The following CNTN4 variants were observed in gnomAD, a reference collection of about 807,000 sequenced individuals.
CNTN4 encodes contactin 4.
CNTN4 carries 77 observed loss-of-function variants against 122.5 expected under a neutral mutation model. The ratio of observed to expected loss-of-function variants is 0.63; its 90% CI spans 0.52 to 0.76. The LOEUF (loss-of-function observed/expected upper bound fraction) is 0.76. CNTN4 is among the 30% of genes least tolerant of loss of function. CNTN4 has a pLI of 0.00. For missense variants in CNTN4, 1,256 were observed against 1,259.1 expected, an observed-to-expected ratio of 1.00 and a Z score of 0.04; for synonymous variants, 512 against 447.0, an observed-to-expected ratio of 1.15 and a Z score of -1.83.
intron 10 of CNTN4, among the ~76,000 whole-genome samples, 190 bp downstream of exon 10, chr3:2,887,414 G>T (rs1396864085): frequency 6.6e-6 from 1 of 152,116 alleles, no homozygotes; most frequent in African/African-American, 2.4e-5. Flanking sequence ...GGGCAAGGGT[G>T]TTGACGGAGC....
rs2084949902 is a variant in CNTN4, at chr3:2,677,735, C to A, written c.56-58480C>A. Reference sequence around the variant, plus strand: ...GCAGGCACTCTAGTCAATGAGAAGTCAAAGTGAACTTTTAAAATAGTTGAT... The same window carrying A: ...GCAGGCACTCTAGTCAATGAGAAGTAAAAGTGAACTTTTAAAATAGTTGAT... On this transcript the variant is annotated intron_variant, in intron 4 of 24. Coordinates refer to ENST00000418658, the MANE Select transcript of CNTN4 (RefSeq NM_175607.3). 2.0e-5 allele frequency among the ~76,000 whole-genome samples: 3 copies of A among 150,982 alleles called. No homozygotes were observed. The South Asian group carries it at 6.3e-4, about 32-fold the overall frequency.
intron 4 of CNTN4, among the ~76,000 whole-genome samples, chr3:2,688,703 C>T (rs1226568497): frequency 2.6e-5 from 4 of 152,124 alleles, no homozygotes; most frequent in Non-Finnish European, 4.4e-5. Context: ...ATCCAGTTAC[C>T]AGCTGAATAT....
chr3:2,201,955 C>A (rs1034734083), intron 2 of CNTN4, among the ~76,000 whole-genome samples: 1 of 152,062 alleles, frequency 6.6e-6, no homozygotes, highest in Non-Finnish European at 1.5e-5. Flanking sequence ...GTCTACACTT[C>A]CCACATATAA....
chr3:2,947,641 C>T, intron 13 of CNTN4, among the ~76,000 whole-genome samples: 1 of 151,998 alleles, frequency 6.6e-6, no homozygotes, highest in African/African-American at 2.4e-5. Context: ...TTCTTTTTGT[C>T]TTCATTTGCT....
intron 7 of CNTN4, among the ~76,000 whole-genome samples, chr3:2,823,609 A>G (rs2092923791): frequency 6.6e-6 from 1 of 152,172 alleles, no homozygotes; most frequent in South Asian, 2.1e-4. Flanking sequence ...AGACACAGAA[A>G]TTATTGAGGT....
In CNTN4 at chr3:2,482,386, G is replaced by A. The variant is rs148298340; in HGVS notation, c.-88-89030G>A. Among the ~76,000 whole-genome samples, 909 of 151,956 alleles carry A rather than the reference G, an allele frequency of 6.0e-3. 3 individuals are homozygous for A. The highest frequency in any genetic ancestry group is 0.01 in the Non-Finnish European group (682 of 67,962). On this transcript the variant is annotated intron_variant, in intron 3 of 24. Transcript: ENST00000418658. ...TAAGTAACAAAGGGTTCAAGAGAAA[G>A]CAGATCATAAAAGTTTGGAAAATTT...
intron 7 of CNTN4, among the ~76,000 whole-genome samples, chr3:2,849,901 T>C (rs1287752743): frequency 6.6e-6 from 1 of 152,116 alleles, no homozygotes; most frequent in African/African-American, 2.4e-5. Flanking sequence ...GGTTCAGTAG[T>C]GCCTGGTCTC....
intron 7 of CNTN4, among the ~76,000 whole-genome samples, chr3:2,843,559 T>C (rs2093402056): frequency 6.6e-6 from 1 of 152,200 alleles, no homozygotes; most frequent in African/African-American, 2.4e-5. Context: ...TGGGAGGTGA[T>C]TGGATCATGG....
chr3:2,219,033 C>G (rs1488952272), intron 2 of CNTN4, among the ~76,000 whole-genome samples: 2 of 152,182 alleles, frequency 1.3e-5, no homozygotes, highest in Admixed American at 6.6e-5. Context: ...CCTAGGATTA[C>G]AAAGGGCTTG....
At chr3:2,647,102 C>T (rs1200224909) in intron 4 of CNTN4, among the ~76,000 whole-genome samples, 1 of 152,002 alleles carries the variant, frequency 6.6e-6, no homozygotes, top group African/African-American at 2.4e-5. Context: ...AAAGCAAGGC[C>T]AGGCACGGTG....
intron 2 of CNTN4, among the ~76,000 whole-genome samples, chr3:2,221,457 A>G (rs2039057236): frequency 6.6e-6 from 1 of 151,998 alleles, no homozygotes; most frequent in African/African-American, 2.4e-5. Flanking sequence ...AGAAGAAAAC[A>G]TGGGAGAAAA....
At chr3:2,437,730 A>G (rs375364994) in intron 3 of CNTN4, among the ~76,000 whole-genome samples, 1 of 152,198 alleles carries the variant, frequency 6.6e-6, no homozygotes, top group African/African-American at 2.4e-5. Flanking sequence ...GGTGGCTTCT[A>G]GTACACACTT....
intron 2 of CNTN4, among the ~76,000 whole-genome samples, chr3:2,194,533 G>T (rs1456843976): frequency 5.3e-5 from 8 of 152,230 alleles, no homozygotes; most frequent in Admixed American, 1.3e-4. Flanking sequence ...TGGTTGAATT[G>T]TGTCCTTCCA....
At chr3:2,927,198 C>T (rs887075173) in intron 13 of CNTN4, 2 of 375,908 alleles carry the variant, frequency 5.3e-6, no homozygotes, top group Non-Finnish European at 1.1e-5. Context: ...GTTATAATAA[C>T]ACTGTAGGTC....
chr3:2,468,031 T>C (rs2075562831), intron 3 of CNTN4, among the ~76,000 whole-genome samples: 1 of 152,316 alleles, frequency 6.6e-6, no homozygotes, highest in South Asian at 2.1e-4. Flanking sequence ...TCCTGATTCC[T>C]AGTTTAGTGA....
At chr3:2,487,702 A>T (rs1018073212) in intron 3 of CNTN4, among the ~76,000 whole-genome samples, 1 of 152,218 alleles carries the variant, frequency 6.6e-6, no homozygotes, top group African/African-American at 2.4e-5. Flanking sequence ...TAGATACTAC[A>T]TTGATATTGA....
intron 13 of CNTN4, 131 bp downstream of exon 13, chr3:2,925,910 G>A: frequency 1.3e-6 from 1 of 774,186 alleles, no homozygotes; most frequent in Non-Finnish European, 2.1e-6. Flanking sequence ...AAGAACAGAA[G>A]CTTTGGAAGG....
chr3:3,022,540 A>G (rs1698392783), intron 14 of CNTN4, among the ~76,000 whole-genome samples: 1 of 152,240 alleles, frequency 6.6e-6, no homozygotes, highest in South Asian at 2.1e-4. Flanking sequence ...TGAGAATGTA[A>G]TAAGGCTTGG....
intron 3 of CNTN4, among the ~76,000 whole-genome samples, chr3:2,501,102 T>C (rs2149000945): frequency 6.6e-6 from 1 of 152,306 alleles, no homozygotes; most frequent in East Asian, 1.9e-4. Context: ...ATGGTTGTCA[T>C]TGCATGGTGT....
Sources: allele counts gnomAD v4.1 joint callset (sites outside exome capture counted in the v4.1 genomes callset), GRCh38; gene constraint gnomAD v4.1.1; transcripts MANE v1.5; gene names NCBI Gene and HGNC (gene_info 2026-07-23, HGNC 2026-07-21).